DMRT1: variants seen among roughly 807,000 people sequenced by gnomAD.
DMRT1 encodes doublesex and mab-3 related transcription factor 1.
DMRT1 carries 7 observed loss-of-function variants against 32.3 expected under a neutral mutation model. The observed-to-expected ratio is 0.22, with a 90% CI of 0.12 to 0.41. The LOEUF is 0.41. Ranked by LOEUF, DMRT1 falls within the 10% of genes least tolerant of loss-of-function variation. The probability of loss-of-function intolerance (pLI) is 1.00; values close to 1 mark genes in which losing one functional copy is unlikely to be tolerated. For missense variants in DMRT1, 625 were observed against 500.5 expected (o/e 1.25, Z -2.37); for synonymous variants, 278 against 206.1 (o/e 1.35, Z -2.99).
At chr9:926,122 C>T (rs7026186) in intron 4 of DMRT1, among the ~76,000 whole-genome samples, 105,318 of 152,082 alleles carry the variant, frequency 0.69, 37,327 homozygotes, top group South Asian at 0.86. Flanking sequence ...ATTACTGTCA[C>T]AGTAAAAAAA....
chr9:942,343 G>C (rs1472746683), intron 4 of DMRT1, among the ~76,000 whole-genome samples: 1 of 152,162 alleles, frequency 6.6e-6, no homozygotes, highest in Non-Finnish European at 1.5e-5. Context: ...GTGTGATCAT[G>C]GCTCACTGCA....
chr9:843,100 G>T (rs1838759555), intron 1 of DMRT1: 1 of 152,224 alleles, frequency 6.6e-6, no homozygotes, highest in African/African-American at 2.4e-5. Context: ...TTCGGGGTTC[G>T]ATTTCCTCGA....
chr9:927,450 T>C (rs1446951551), intron 4 of DMRT1, among the ~76,000 whole-genome samples: 1 of 152,202 alleles, frequency 6.6e-6, no homozygotes, highest in African/African-American at 2.4e-5. Flanking sequence ...GATTGCGATG[T>C]GACATTACAG....
chr9:846,368 A>G (rs79091772), intron 1 of DMRT1, among the ~76,000 whole-genome samples: 3,341 of 152,156 alleles, frequency 0.022, 126 homozygotes, highest in African/African-American at 0.076. Context: ...AATGTAGGAT[A>G]CAATCTACTC....
At position 854,111 on chromosome 9, in the gene DMRT1, CA is replaced by C. The variant is rs759821705; in HGVS notation, c.538+6969del. Among the ~76,000 whole-genome samples the C allele has an allele frequency of 4.2e-3, 604 of 144,364 alleles. 6 individuals are homozygous for C. Among genetic ancestry groups the C allele is most frequent in the African/African-American group, 0.016 (575 of 35,690 alleles). 94.7% of individuals were successfully genotyped at this position (144,364 alleles called of 152,430 possible). A position where few individuals can be genotyped will look rare whatever the true frequency, so the allele number is the denominator to read the frequency against. ...CAGGTGTGAGCCTACACACTAAGCC[CA>C]TTTTTTTTTTTTAATTTTTCAAGAG... On this transcript the variant is annotated intron_variant, in intron 2 of 4. Coordinates refer to ENST00000382276, the MANE Select transcript of DMRT1 (RefSeq NM_021951.3).
intron 3 of DMRT1, chr9:894,850 G>A (rs1448217144): frequency 1.3e-5 from 2 of 155,066 alleles, no homozygotes. Context: ...GTCTCGCTCT[G>A]TTGCCCAGGC....
chr9:903,206 A>G (rs1433417981), intron 3 of DMRT1, among the ~76,000 whole-genome samples: 1 of 152,164 alleles, frequency 6.6e-6, no homozygotes, highest in Non-Finnish European at 1.5e-5. Context: ...TTACTCCTGC[A>G]GGGAGCAAAG....
chr9:936,695 A>G (rs1179850784), intron 4 of DMRT1, among the ~76,000 whole-genome samples: 1 of 150,340 alleles, frequency 6.7e-6, no homozygotes, highest in African/African-American at 2.5e-5. Flanking sequence ...CGGAAATTGC[A>G]GTGAGCCGAG....
At chr9:886,311 A>G (rs1383403379) in intron 2 of DMRT1, among the ~76,000 whole-genome samples, 1 of 152,206 alleles carries the variant, frequency 6.6e-6, no homozygotes, top group African/African-American at 2.4e-5. Flanking sequence ...GCTGCAGTGC[A>G]ATGGTGCGAT....
chr9:929,576 G>A (rs922423810), intron 4 of DMRT1, among the ~76,000 whole-genome samples: 2 of 151,848 alleles, frequency 1.3e-5, no homozygotes, highest in East Asian at 1.9e-4. Context: ...GGTCCAGAAA[G>A]GTCAAAAGAA....
Position 877,068 on chromosome 9 carries a change from G to A in DMRT1, c.539-16844G>A, listed in dbSNP as rs1160861865. Among the ~76,000 whole-genome samples, 5 of 148,024 alleles carry A rather than the reference G, an allele frequency of 3.4e-5. 1 individual carries two copies. Among genetic ancestry groups the A allele is most frequent in the Non-Finnish European group, 5.9e-5 (4 of 67,672 alleles). Reference sequence around the variant, plus strand: ...AACCTCTCTGGGTGTAGAAACAAGGGATGAAATTACCTCCAAGGACTTCTC... The same window carrying A: ...AACCTCTCTGGGTGTAGAAACAAGGAATGAAATTACCTCCAAGGACTTCTC... On this transcript the variant is annotated intron_variant, in intron 2 of 4. Coordinates refer to ENST00000382276, the MANE Select transcript of DMRT1 (RefSeq NM_021951.3).
At chr9:899,900 G>A (rs1237904629) in intron 3 of DMRT1, among the ~76,000 whole-genome samples, 3 of 152,178 alleles carry the variant, frequency 2.0e-5, no homozygotes, top group Non-Finnish European at 2.9e-5. Flanking sequence ...TTACATTCCA[G>A]CCACGTTTAG....
chr9:964,458 C>G (rs1308879870), intron 4 of DMRT1, among the ~76,000 whole-genome samples: 2 of 152,070 alleles, frequency 1.3e-5, no homozygotes, highest in African/African-American at 4.8e-5. Context: ...GGTTTACCCA[C>G]CTTTCATTGT....
At chr9:902,316 C>G (rs955039015) in intron 3 of DMRT1, among the ~76,000 whole-genome samples, 1 of 150,926 alleles carries the variant, frequency 6.6e-6, no homozygotes, top group Non-Finnish European at 1.5e-5. Flanking sequence ...TCTCTCGCCT[C>G]CTTCCTACAC....
intron 2 of DMRT1, among the ~76,000 whole-genome samples, chr9:863,149 CAAAA>C (rs55759836): frequency 1.0e-5 from 1 of 98,296 alleles, no homozygotes; most frequent in African/African-American, 4.3e-5. Flanking sequence ...CAGGTCTCTA[CAAAA>C]AAAAAAAAAA....
Position 916,833 on chromosome 9 carries a change from C to G in DMRT1, c.893C>G (p.Ser298Cys). The G allele has an allele frequency of 6.2e-7, 1 of 1,614,244 alleles. No individual in the cohort carries two copies. Among genetic ancestry groups the G allele is most frequent in the Non-Finnish European group, 8.5e-7 (1 of 1,180,042 alleles). ...ATGCATTCTTACTACCCGCCTCCCTCTTACCTGGGCCAGAGCGTGCCCCAG... is the reference window on the plus strand; with the variant it reads ...ATGCATTCTTACTACCCGCCTCCCTGTTACCTGGGCCAGAGCGTGCCCCAG... ...YRMHSYYPPP[S>C]YLGQSVPQFF... The change falls in exon 4 of 5, where the codon TCT (serine) becomes TGT (cysteine). Residue 298 changes from serine to cysteine, a missense_variant. By Grantham distance (112) the Ser-to-Cys change is moderately radical. Coordinates refer to ENST00000382276, the MANE Select transcript of DMRT1 (RefSeq NM_021951.3).
rs10117223 is a variant in DMRT1 at position 915,253 on chromosome 9, G to A, written c.823-1510G>A. ...AGATGTGATCATGAGTTGAATGCTC[G>A]GTGTCTCTAACAGGGTCTAGATGTT... On this transcript the variant is annotated intron_variant, in intron 3 of 4. Transcript: ENST00000382276. Among the ~76,000 whole-genome samples the A allele has an allele frequency of 2.2e-3, 330 of 152,178 alleles. 1 individual carries two copies. Among genetic ancestry groups the A allele is most frequent in the African/African-American group, 7.5e-3 (311 of 41,514 alleles).
intron 3 of DMRT1, among the ~76,000 whole-genome samples, chr9:897,447 G>A (rs573812288): frequency 1.3e-5 from 2 of 152,034 alleles, no homozygotes; most frequent in Admixed American, 1.3e-4. Flanking sequence ...CATTGATATT[G>A]GAATTGAGAG....
At chr9:929,948 C>T (rs1564258268) in intron 4 of DMRT1, among the ~76,000 whole-genome samples, 1 of 152,164 alleles carries the variant, frequency 6.6e-6, no homozygotes, top group Admixed American at 6.5e-5. Flanking sequence ...GGACACCTCC[C>T]TTCCCTTCCT....
Sources: gnomAD v4.1 joint callset for allele counts (sites outside exome capture counted in the v4.1 genomes callset) on GRCh38, gnomAD v4.1.1 for gene constraint, MANE v1.5 for transcripts, NCBI Gene and HGNC (gene_info 2026-07-23, HGNC 2026-07-21) for gene names.